The following DTNB variants were observed in gnomAD, a reference collection of about 807,000 sequenced individuals.
The protein encoded by DTNB is DTN-B.
Under a neutral mutation model 90.7 loss-of-function variants are expected in DTNB, and 63 were observed. The observed-to-expected ratio is 0.69, with a 90% CI of 0.57 to 0.86. DTNB has a LOEUF of 0.86. DTNB is among the 40% of genes least tolerant of loss of function. The pLI is 0.00. For missense variants in DTNB, 744 were observed against 807.1 expected (o/e 0.92, Z 0.95); for synonymous variants, 277 against 286.7 (o/e 0.97, Z 0.34).
chr2:25,574,929 T>C (rs2148113596), intron 8 of DTNB, among the ~76,000 whole-genome samples: 1 of 152,348 alleles, frequency 6.6e-6, no homozygotes, highest in South Asian at 2.1e-4. Flanking sequence ...AATTCATTTG[T>C]GATTTGTATA....
intron 8 of DTNB, among the ~76,000 whole-genome samples, chr2:25,559,676 C>T (rs1367239213): frequency 2.0e-5 from 3 of 152,192 alleles, no homozygotes; most frequent in African/African-American, 4.8e-5. Flanking sequence ...ACCTGCATTA[C>T]CTTATATGGC....
At chr2:25,581,366 C>A (rs1247810794) in intron 6 of DTNB, among the ~76,000 whole-genome samples, 1 of 152,018 alleles carries the variant, frequency 6.6e-6, no homozygotes, top group Non-Finnish European at 1.5e-5. Flanking sequence ...CATTTAACAA[C>A]TTTCTCATTG....
chr2:25,586,883 T>C (rs986864498), intron 6 of DTNB, among the ~76,000 whole-genome samples: 1 of 152,054 alleles, frequency 6.6e-6, no homozygotes, highest in Non-Finnish European at 1.5e-5. Context: ...ACAAGAGAAA[T>C]GCAAATCAAA....
At chr2:25,524,425 G>C (rs973948437) in intron 9 of DTNB, among the ~76,000 whole-genome samples, 7 of 149,724 alleles carry the variant, frequency 4.7e-5, no homozygotes, top group African/African-American at 1.5e-4. Context: ...TTTTTGGTGG[G>C]GGGGGTGGTC....
At chr2:25,662,757 A>G (rs2083509114) in intron 1 of DTNB, among the ~76,000 whole-genome samples, 1 of 152,064 alleles carries the variant, frequency 6.6e-6, no homozygotes, top group Admixed American at 6.6e-5. Flanking sequence ...AAATTCAGAA[A>G]AGAGAGTATC....
chr2:25,667,032 C>T (rs1030066404), intron 1 of DTNB, among the ~76,000 whole-genome samples: 1 of 151,900 alleles, frequency 6.6e-6, no homozygotes, highest in Non-Finnish European at 1.5e-5. Flanking sequence ...AGGGCAGGAC[C>T]CTTGACCCAC....
rs1185618137 is a variant in DTNB at position 25,624,496 on chromosome 2, C to T, written c.362+3675G>A. On this transcript the variant is annotated intron_variant, in intron 4 of 20. Transcript: ENST00000406818. Reference sequence around the variant, plus strand: ...CTGATACAAGAAGGGGGCAAAGCCGCGCAAAGAAATAAAGCCAGAGCTCTG... The same window carrying T: ...CTGATACAAGAAGGGGGCAAAGCCGTGCAAAGAAATAAAGCCAGAGCTCTG... Among the ~76,000 whole-genome samples, 5 of 152,126 alleles carry T rather than the reference C, an allele frequency of 3.3e-5. 1 individual carries two copies. The highest frequency in any genetic ancestry group is 2.1e-4 in the South Asian group (1 of 4,824).
At chr2:25,461,544 T>C in intron 10 of DTNB, among the ~76,000 whole-genome samples, 1 of 152,222 alleles carries the variant, frequency 6.6e-6, no homozygotes, top group African/African-American at 2.4e-5. Context: ...CAGATTTTTT[T>C]CCTATAAAAA....
intron 16 of DTNB, among the ~76,000 whole-genome samples, chr2:25,388,863 TTGGAGACAGAG>T (rs1220050316): frequency 1.3e-5 from 2 of 151,866 alleles, no homozygotes; most frequent in Non-Finnish European, 2.9e-5. Context: ...TATATCTTTT[TTGGAGACAGAG>T]TCTTGCTTTG....
chr2:25,594,366 G>C (rs185821491), intron 6 of DTNB, among the ~76,000 whole-genome samples: 1 of 152,352 alleles, frequency 6.6e-6, no homozygotes, highest in Admixed American at 6.5e-5. Flanking sequence ...GGCAAAGTGT[G>C]CACAAATTTG....
At chr2:25,425,721 A>C (rs2051333132) in intron 15 of DTNB, among the ~76,000 whole-genome samples, 1 of 152,218 alleles carries the variant, frequency 6.6e-6, no homozygotes, top group African/African-American at 2.4e-5. Context: ...ATCATACTAC[A>C]AAATGCAGGG....
intron 3 of DTNB, among the ~76,000 whole-genome samples, chr2:25,630,785 A>G (rs1217547918): frequency 7.0e-6 from 1 of 143,162 alleles, no homozygotes; most frequent in Non-Finnish European, 1.5e-5. Flanking sequence ...CGGAGCTTGC[A>G]GTGAGCCAAG....
chr2:25,420,485 T>TCTAC (rs1468518671), intron 15 of DTNB, among the ~76,000 whole-genome samples: 29 of 80,614 alleles, frequency 3.6e-4, no homozygotes, highest in African/African-American at 8.6e-4. Context: ...TATCTATCTA[T>TCTAC]CTATCTATCT....
intron 2 of DTNB, among the ~76,000 whole-genome samples, chr2:25,647,998 A>G (rs1054712114): frequency 5.3e-5 from 8 of 152,196 alleles, no homozygotes; most frequent in African/African-American, 1.9e-4. Flanking sequence ...GAGAACAAAG[A>G]TACACAAAGA....
intron 8 of DTNB, among the ~76,000 whole-genome samples, chr2:25,573,244 C>T (rs1433832169): frequency 1.3e-5 from 2 of 151,820 alleles, no homozygotes; most frequent in East Asian, 3.9e-4. Context: ...CCATGCCCGG[C>T]CCACTTGGGG....
intron 8 of DTNB, among the ~76,000 whole-genome samples, chr2:25,564,068 A>G (rs755625709): frequency 1.3e-5 from 2 of 151,610 alleles, no homozygotes; most frequent in African/African-American, 4.8e-5. Context: ...CGCCCGGCTA[A>G]TTTTTTGTAT....
At position 25,410,399 on chromosome 2, in the gene DTNB, T is replaced by C. The variant is rs575866140; in HGVS notation, c.1575+9116A>G. On this transcript the variant is annotated intron_variant, in intron 16 of 20. Coordinates refer to ENST00000406818, the MANE Select transcript of DTNB (RefSeq NM_021907.5). ...CTTGTATCCTCGGACTCTTGTTAGG[T>C]GCTCAGGGAGTTTTGGGGGAGTGAA... Among the ~76,000 whole-genome samples, 217 of 152,220 alleles carry C rather than the reference T, an allele frequency of 1.4e-3. 1 individual carries two copies. The highest frequency in any genetic ancestry group is 4.8e-3 in the African/African-American group (200 of 41,528).
chr2:25,652,301 A>G (rs1464469867), intron 2 of DTNB, among the ~76,000 whole-genome samples: 2 of 152,214 alleles, frequency 1.3e-5, no homozygotes, highest in Non-Finnish European at 2.9e-5. Context: ...CATGGTAACA[A>G]TGGAGTTACA....
chr2:25,433,787 G>T, intron 13 of DTNB, 123 bp downstream of exon 13: 1 of 1,067,896 alleles, frequency 9.4e-7, no homozygotes, highest in Non-Finnish European at 1.4e-6. Flanking sequence ...GGCTAGCCTA[G>T]GTTCACTGAG....
Sources: gnomAD v4.1 joint callset for allele counts (sites outside exome capture counted in the v4.1 genomes callset) on GRCh38, gnomAD v4.1.1 for gene constraint, MANE v1.5 for transcripts, NCBI Gene and HGNC (gene_info 2026-07-23, HGNC 2026-07-21) for gene names.